CDH12: variants seen among roughly 807,000 people sequenced by gnomAD.
CDH12 encodes cadherin 12.
CDH12 carries 41 observed loss-of-function variants against 74.1 expected under a neutral mutation model. That is an observed-to-expected ratio of 0.55 (90% confidence interval 0.43 to 0.72). The LOEUF is 0.72. Among genes scored for constraint, CDH12 ranks in the 30% least tolerant of loss-of-function variants. The probability of loss-of-function intolerance (pLI) is 0.00; values close to 1 mark genes in which losing one functional copy is unlikely to be tolerated. For missense variants in CDH12, 945 were observed against 977.2 expected, an observed-to-expected ratio of 0.97 and a Z score of 0.44; for synonymous variants, 399 against 355.0, an observed-to-expected ratio of 1.12 and a Z score of -1.39.
chr5:22,406,271 A>T (rs1195741691), intron 2 of CDH12, among the ~76,000 whole-genome samples: 1 of 152,146 alleles, frequency 6.6e-6, no homozygotes, highest in Non-Finnish European at 1.5e-5. Flanking sequence ...TTAGGGAAGG[A>T]GGGACTCAAT....
chr5:22,476,534 A>G (rs2126614994), intron 2 of CDH12, among the ~76,000 whole-genome samples: 1 of 152,254 alleles, frequency 6.6e-6, no homozygotes, highest in African/African-American at 2.4e-5. Context: ...TGAAATTTCT[A>G]TGAAATCCCT....
chr5:21,901,089 G>A (rs1177880276), intron 6 of CDH12, among the ~76,000 whole-genome samples: 1 of 152,096 alleles, frequency 6.6e-6, no homozygotes, highest in African/African-American at 2.4e-5. Flanking sequence ...TATTTCTTCA[G>A]GGTTTTCTCT....
intron 6 of CDH12, among the ~76,000 whole-genome samples, chr5:21,861,163 C>T (rs940309733): frequency 8.6e-5 from 13 of 151,784 alleles, no homozygotes; most frequent in African/African-American, 2.4e-5. Flanking sequence ...CTTTTTAAGC[C>T]ACTGTTAGGA....
intron 3 of CDH12, among the ~76,000 whole-genome samples, chr5:22,239,430 T>TAA (rs56947245): frequency 2.0e-5 from 3 of 148,436 alleles, no homozygotes; most frequent in Admixed American, 6.8e-5. Context: ...AGAATTCTGT[T>TAA]AAAAAAAAAA....
At chr5:22,666,214 C>G (rs1740605209) in intron 1 of CDH12, among the ~76,000 whole-genome samples, 1 of 150,468 alleles carries the variant, frequency 6.6e-6, no homozygotes, top group African/African-American at 2.4e-5. Context: ...CCACCTATGT[C>G]TAATCTATTC....
At chr5:22,615,652 G>A (rs1347745771) in intron 1 of CDH12, among the ~76,000 whole-genome samples, 1 of 152,096 alleles carries the variant, frequency 6.6e-6, no homozygotes, top group Non-Finnish European at 1.5e-5. Context: ...GCTAACCAGA[G>A]AGGAAACAAA....
chr5:22,322,458 C>G lies in CDH12; in HGVS notation c.-333+82799G>C, dbSNP rs926668788. 3.3e-5 allele frequency among the ~76,000 whole-genome samples: 5 copies of G among 151,700 alleles called. No homozygotes were observed. In the South Asian group the frequency reaches 1.0e-3, roughly 32 times the overall value. Reference sequence around the variant, plus strand: ...TGTGAAGGTTAGGACTCCAGAAATACTTTATATCATTATTTTCTCTGCTCA... The same window carrying G: ...TGTGAAGGTTAGGACTCCAGAAATAGTTTATATCATTATTTTCTCTGCTCA... On this transcript the variant is annotated intron_variant, in intron 3 of 14. Transcript: ENST00000382254.
chr5:21,830,809 G>A (rs982806462), intron 8 of CDH12, among the ~76,000 whole-genome samples: 5 of 152,024 alleles, frequency 3.3e-5, no homozygotes, highest in South Asian at 2.1e-4. Context: ...AGCCTGAGGC[G>A]GGTGGATCAC....
intron 5 of CDH12, among the ~76,000 whole-genome samples, chr5:22,013,876 T>C (rs531040498): frequency 1.3e-5 from 2 of 152,164 alleles, no homozygotes; most frequent in Non-Finnish European, 2.9e-5. Context: ...AAAAAAATAA[T>C]GAAGTAAGAA....
In CDH12 at chr5:21,994,966, C is replaced by T. The variant is rs528508078; in HGVS notation, c.232-19581G>A. On this transcript the variant is annotated intron_variant, in intron 5 of 14. Transcript: ENST00000382254. ...GGGGTCCTCTTCTACACTGTGGAAG[C>T]TTTGTTCTTTTGCTCTTGCTGCTGC... 7.8e-4 allele frequency among the ~76,000 whole-genome samples: 119 copies of T among 152,206 alleles called. 1 individual carries two copies. Among genetic ancestry groups the T allele is most frequent in the Admixed American group, 1.9e-3 (29 of 15,274 alleles).
At chr5:22,096,087 T>C (rs1238043748) in intron 4 of CDH12, among the ~76,000 whole-genome samples, 1 of 151,544 alleles carries the variant, frequency 6.6e-6, no homozygotes, top group East Asian at 2.0e-4. Flanking sequence ...CCTCCTTCAC[T>C]ATGGGCAACC....
At chr5:22,749,028 C>T (rs1043938036) in intron 1 of CDH12, among the ~76,000 whole-genome samples, 1 of 152,140 alleles carries the variant, frequency 6.6e-6, no homozygotes, top group Non-Finnish European at 1.5e-5. Flanking sequence ...GGAGAGGTGT[C>T]GACTTAGGTT....
chr5:22,513,311 C>G (rs762975632), intron 1 of CDH12, among the ~76,000 whole-genome samples: 1 of 151,654 alleles, frequency 6.6e-6, no homozygotes, highest in Non-Finnish European at 1.5e-5. Context: ...CTGAGCATTA[C>G]TATACTAGAA....
intron 1 of CDH12, among the ~76,000 whole-genome samples, chr5:22,676,705 C>A (rs1023534771): frequency 6.6e-6 from 1 of 152,092 alleles, no homozygotes; most frequent in Non-Finnish European, 1.5e-5. Flanking sequence ...GGTAAGCAAG[C>A]CACATAAGTA....
chr5:22,338,925 C>T (rs1229084628), intron 3 of CDH12, among the ~76,000 whole-genome samples: 2 of 152,114 alleles, frequency 1.3e-5, no homozygotes, highest in South Asian at 2.1e-4. Context: ...TGACTCCCAG[C>T]TGACAGCCAG....
chr5:22,757,686 A>G (rs969987390), intron 1 of CDH12, among the ~76,000 whole-genome samples: 1 of 152,226 alleles, frequency 6.6e-6, no homozygotes, highest in African/African-American at 2.4e-5. Context: ...TTTAAAATGT[A>G]TAATTCATTT....
intron 8 of CDH12, among the ~76,000 whole-genome samples, chr5:21,837,882 C>CTGAAATA (rs1749628958): frequency 6.6e-6 from 1 of 152,032 alleles, no homozygotes; most frequent in Non-Finnish European, 1.5e-5. Context: ...AGACAATAGT[C>CTGAAATA]CAAGTGTTCA....
intron 3 of CDH12, among the ~76,000 whole-genome samples, chr5:22,219,748 G>A (rs2150368014): frequency 6.6e-6 from 1 of 151,782 alleles, no homozygotes; most frequent in East Asian, 1.9e-4. Context: ...CACCAGCAAA[G>A]AGCAATTATG....
intron 1 of CDH12, among the ~76,000 whole-genome samples, chr5:22,510,529 C>T (rs1736558136): frequency 6.6e-6 from 1 of 152,110 alleles, no homozygotes; most frequent in Admixed American, 6.5e-5. Context: ...AAAGTACAGT[C>T]ATCCTTAGGC....
Sources: allele counts gnomAD v4.1 joint callset (sites outside exome capture counted in the v4.1 genomes callset), GRCh38; gene constraint gnomAD v4.1.1; transcripts MANE v1.5; gene names NCBI Gene and HGNC (gene_info 2026-07-23, HGNC 2026-07-21).